Variants in TPP2 observed in about 807,000 individuals in gnomAD.
The protein encoded by TPP2 is tripeptidyl-peptidase 2.
In TPP2, 34 loss-of-function variants were observed where a neutral mutation model predicts 155.9. The ratio of observed to expected loss-of-function variants is 0.22; its 90% CI spans 0.17 to 0.29. The LOEUF (loss-of-function observed/expected upper bound fraction) is 0.29, where lower values mean the gene tolerates loss of function less well. TPP2 is among the 10% of genes least tolerant of loss of function. The probability of loss-of-function intolerance (pLI) is 1.00; values close to 1 mark genes in which losing one functional copy is unlikely to be tolerated. For synonymous variants in TPP2, 510 were observed against 529.4 expected (o/e 0.96, Z 0.50); for missense variants, 1,028 against 1,522.3 (o/e 0.68, Z 5.40).
chr13:102,646,196 C>A, intron 19 of TPP2, 98 bp from the exon 20 acceptor site: 1 of 908,686 alleles, frequency 1.1e-6, no homozygotes, highest in Non-Finnish European at 1.6e-6. Flanking sequence ...TTCATCTGCA[C>A]TTTTTGCAAT....
chr13:102,623,399 A>G (rs536427945), intron 6 of TPP2, among the ~76,000 whole-genome samples: 31 of 152,250 alleles, frequency 2.0e-4, no homozygotes, highest in Non-Finnish European at 3.7e-4. Flanking sequence ...CCCCATCTCT[A>G]CTAAAAATAT....
rs748073261 is a variant in TPP2, at chr13:102,679,625, CCTT to C, written c.*1312_*1314del. 6.6e-6 allele frequency: 1 copy of C among 152,184 alleles called. No individual in the cohort carries two copies. Among genetic ancestry groups the C allele is most frequent in the Non-Finnish European group, 1.5e-5 (1 of 68,044 alleles). 9.4% of individuals were successfully genotyped at this position (152,184 alleles called of 1,614,324 possible). The stretch of plus-strand genomic sequence containing the variant: ...TACATGTATAAGCATATTGGTCACA[CCTT>C]CTGGGCTAGCTAGGGTCCAAAGTCT... On this transcript the variant is annotated 3_prime_UTR_variant, in exon 30 of 30. Coordinates refer to ENST00000376052, the MANE Select transcript of TPP2 (RefSeq NM_001330588.2).
At chr13:102,601,840 TTAAAG>T (rs1327389115) in intron 1 of TPP2, among the ~76,000 whole-genome samples, 1 of 152,226 alleles carries the variant, frequency 6.6e-6, no homozygotes, top group Non-Finnish European at 1.5e-5. Context: ...TTATCTAATA[TTAAAG>T]TAAGAAATTC....
intron 1 of TPP2, among the ~76,000 whole-genome samples, chr13:102,597,519 G>A (rs1879060556): frequency 6.6e-6 from 1 of 152,138 alleles, no homozygotes; most frequent in Non-Finnish European, 1.5e-5. Flanking sequence ...GTCCCCCTTT[G>A]GCCCCAGGGA....
At chr13:102,675,931 G>GT (rs913495938) in intron 28 of TPP2, among the ~76,000 whole-genome samples, 1 of 151,962 alleles carries the variant, frequency 6.6e-6, no homozygotes, top group Non-Finnish European at 1.5e-5. Flanking sequence ...TCTAATACTT[G>GT]TTTTTTTACT....
At position 102,643,228 on chromosome 13, in the gene TPP2, C is replaced by G; in HGVS notation, c.2027C>G (p.Thr676Arg). The G allele has an allele frequency of 6.3e-7, 1 of 1,590,828 alleles. No individual in the cohort carries two copies. Among genetic ancestry groups the G allele is most frequent in the Non-Finnish European group, 8.5e-7 (1 of 1,172,790 alleles). Residue 676 changes from threonine to arginine, a missense_variant, in exon 17 of 30, where the codon ACA (threonine) becomes AGA (arginine). Physicochemically the swap from Thr to Arg is moderately conservative, Grantham distance 71 (BLOSUM62 -1). This residue lies in a region of TPP2 where 325 missense variants were observed against 463.7 expected (regional missense o/e 0.70). Transcript: ENST00000376052. ...VPEGATWAEV[T>R]VCSCSSEVSA... ...TCTTTCTTTCTTATTTTAGAAGTGA[C>G]AGTGTGTTCGTGTTCTTCTGAGGTG...
At position 102,622,868 on chromosome 13, in the gene TPP2, A is replaced by G. The variant is rs1881260887; in HGVS notation, c.621-9A>G. ...AATTTTACTGTCTCCATTTCTTTTT[A>G]ATTAATAGAGCCTGCATTGATTCTA... On this transcript the variant is annotated splice_polypyrimidine_tract_variant and intron_variant, in intron 5 of 29. Coordinates refer to ENST00000376052, the MANE Select transcript of TPP2 (RefSeq NM_001330588.2). 6.3e-7 allele frequency: 1 copy of G among 1,590,172 alleles called. No homozygotes were observed. Among genetic ancestry groups the G allele is most frequent in the Non-Finnish European group, 8.5e-7 (1 of 1,173,552 alleles).
Position 102,678,663 on chromosome 13 carries a change from T to C in TPP2, c.*347T>C, listed in dbSNP as rs1428821470. On this transcript the variant is annotated 3_prime_UTR_variant, in exon 30 of 30. Transcript: ENST00000376052. ...ACCTATAAAGTACTATTTTTTATTT[T>C]ATAAATGAACAGGGTTTTAACGTGC... The C allele has an allele frequency of 6.1e-6, 1 of 165,086 alleles. No homozygotes were observed. The highest frequency in any genetic ancestry group is 1.3e-5 in the Non-Finnish European group (1 of 75,856). 10.2% of individuals were successfully genotyped at this position (165,086 alleles called of 1,614,324 possible).
Position 102,638,221 on chromosome 13 carries a change from AC to A in TPP2, c.1837-16del, listed in dbSNP as rs752034417. On this transcript the variant is annotated splice_polypyrimidine_tract_variant and intron_variant, in intron 14 of 29. Transcript: ENST00000376052. ...CATTTGTTTATGGATATTGACACTTACCGATTCTTTTTTCAAGGTATGTGGC... is the reference window on the plus strand; with the variant it reads ...CATTTGTTTATGGATATTGACACTTACGATTCTTTTTTCAAGGTATGTGGC... 3.1e-6 allele frequency: 5 copies of A among 1,608,718 alleles called. No individual in the cohort carries two copies. In the African/African-American group the frequency reaches 6.7e-5, roughly 22 times the overall value.
rs761642992 is a variant in TPP2, at chr13:102,657,131, G to A, written c.3067G>A (p.Asp1023Asn). Reference protein sequence around the residue: ...TKNGSKDKEKDSEKEKDLKEE... With the variant: ...TKNGSKDKEKNSEKEKDLKEE... ...GAATGGCAGCAAAGATAAGGAAAAA[G>A]ATTCAGAAAAAGAGAAAGATTTAAA... Residue 1023 changes from aspartate to asparagine, a missense_variant, in exon 25 of 30, where the codon GAT (aspartate) becomes AAT (asparagine). Asp to Asn is a conservative substitution (Grantham distance 23). Transcript: ENST00000376052. 2 of 1,588,508 alleles carry A rather than the reference G, an allele frequency of 1.3e-6. No homozygotes were observed. The highest frequency in any genetic ancestry group is 1.7e-6 in the Non-Finnish European group (2 of 1,171,558).
chr13:102,645,091 T>G, intron 19 of TPP2, 82 bp downstream of exon 19: 4 of 1,342,618 alleles, frequency 3.0e-6, no homozygotes, highest in Non-Finnish European at 4.1e-6. Flanking sequence ...GGGCCTTTTT[T>G]TTTTTTAATC....
Position 102,636,405 on chromosome 13 carries a change from C to T in TPP2, c.1678+13C>T. ...CCGGAGAACACAGGTCAGTAATAGG[C>T]TGGCAGTAAGCTGACGTATTCACAT... On this transcript the variant is annotated intron_variant, in intron 13 of 29. Coordinates refer to ENST00000376052, the MANE Select transcript of TPP2 (RefSeq NM_001330588.2). 6.2e-7 allele frequency: 1 copy of T among 1,604,056 alleles called. No individual in the cohort carries two copies. The highest frequency in any genetic ancestry group is 2.2e-5 in the East Asian group (1 of 44,768).
At chr13:102,612,854 TTTTAA>T (rs1350918434) in intron 2 of TPP2, among the ~76,000 whole-genome samples, 1 of 152,260 alleles carries the variant, frequency 6.6e-6, no homozygotes, top group African/African-American at 2.4e-5. Context: ...TTTGCAGTTA[TTTTAA>T]TTAGTTACTT....
In TPP2 at chr13:102,679,424, A is replaced by G. The variant is rs1362475505; in HGVS notation, c.*1108A>G. ...CTCCACCAAATAAACAGACAAAAGT[A>G]GTATTGAAAAGTTTACAGTCCCTTA... On this transcript the variant is annotated 3_prime_UTR_variant, in exon 30 of 30. Coordinates refer to ENST00000376052, the MANE Select transcript of TPP2 (RefSeq NM_001330588.2). The G allele has an allele frequency of 6.6e-6, 1 of 152,220 alleles. No individual in the cohort carries two copies. The highest frequency in any genetic ancestry group is 1.9e-4 in the East Asian group (1 of 5,204). The allele number at this position is 152,220 out of a possible 1,614,324, so 9.4% of individuals were successfully genotyped here.
At chr13:102,643,049 T>G (rs1392116566) in intron 16 of TPP2, among the ~76,000 whole-genome samples, 173 bp from the exon 17 acceptor site, 1 of 152,178 alleles carries the variant, frequency 6.6e-6, no homozygotes, top group Non-Finnish European at 1.5e-5. Context: ...TTATTAATAT[T>G]TTGTTGATTC....
intron 23 of TPP2, among the ~76,000 whole-genome samples, chr13:102,650,906 T>C (rs1883443567): frequency 6.6e-6 from 1 of 152,216 alleles, no homozygotes; most frequent in Non-Finnish European, 1.5e-5. Flanking sequence ...GTTTATGTAA[T>C]CTTTTCTCAG....
chr13:102,668,581 C>T (rs1209039854), intron 27 of TPP2, among the ~76,000 whole-genome samples: 1 of 152,124 alleles, frequency 6.6e-6, no homozygotes, highest in Non-Finnish European at 1.5e-5. Flanking sequence ...TAAGGAACCC[C>T]ACTGAGGGTA....
chr13:102,615,608 T>C (rs1880657429), intron 3 of TPP2, among the ~76,000 whole-genome samples: 1 of 152,102 alleles, frequency 6.6e-6, no homozygotes, highest in South Asian at 2.1e-4. Context: ...TTCAGTGACA[T>C]AGAACCCTAT....
rs149967796 is a variant in TPP2 at position 102,624,745 on chromosome 13, G to A, written c.784+1705G>A. ...TTTATCCAGCTTCCCATTGATGGAC[G>A]TTTAGATTGTTTTGGTATCTGTCGA... On this transcript the variant is annotated intron_variant, in intron 6 of 29. Transcript: ENST00000376052. Among the ~76,000 whole-genome samples, 832 of 150,892 alleles carry A rather than the reference G, an allele frequency of 5.5e-3. 3 individuals carry two copies. Among genetic ancestry groups the A allele is most frequent in the Middle Eastern group, 7.1e-3 (2 of 282 alleles).
Sources: gnomAD v4.1 joint callset for allele counts (sites outside exome capture counted in the v4.1 genomes callset) on GRCh38, gnomAD v4.1.1 for gene constraint, gnomAD v4.1.1 regional missense constraint, MANE v1.5 for transcripts, NCBI Gene and HGNC (gene_info 2026-07-23, HGNC 2026-07-21) for gene names.